Variants in HS3ST4 observed in about 807,000 individuals in gnomAD.
The protein encoded by HS3ST4 is heparan sulfate-glucosamine 3-sulfotransferase 4, also known as heparan sulfate glucosamine 3-O-sulfotransferase 4.
A neutral mutation model predicts 29.2 loss-of-function variants in HS3ST4; 17 were observed. The ratio of observed to expected loss-of-function variants is 0.58; its 90% CI spans 0.40 to 0.87. HS3ST4 has a LOEUF of 0.87. Ranked by LOEUF, HS3ST4 falls within the 40% of genes least tolerant of loss-of-function variation. The pLI is 0.00. For missense variants in HS3ST4, 627 were observed against 634.5 expected (o/e 0.99, Z 0.13); for synonymous variants, 314 against 285.7 (o/e 1.10, Z -1.00).
chr16:26,131,186 A>G (rs1326069378), intron 1 of HS3ST4, among the ~76,000 whole-genome samples: 1 of 151,728 alleles, frequency 6.6e-6, no homozygotes. Flanking sequence ...GCCCCCCACC[A>G]TTTCTCTCTT....
At chr16:25,803,368 T>C (rs1376381960) in intron 1 of HS3ST4, among the ~76,000 whole-genome samples, 1 of 152,216 alleles carries the variant, frequency 6.6e-6, no homozygotes, top group East Asian at 1.9e-4. Context: ...CCCTGTCTCA[T>C]CATTCATAAA....
At chr16:26,092,269 TC>T (rs1898866729) in intron 1 of HS3ST4, among the ~76,000 whole-genome samples, 1 of 152,110 alleles carries the variant, frequency 6.6e-6, no homozygotes, top group South Asian at 2.1e-4. Context: ...AAAATAGCCT[TC>T]TCCACAGGAC....
chr16:25,743,518 T>G (rs1966667714), intron 1 of HS3ST4, among the ~76,000 whole-genome samples: 1 of 152,164 alleles, frequency 6.6e-6, no homozygotes, highest in Non-Finnish European at 1.5e-5. Flanking sequence ...TATTTTATTC[T>G]TTTTTGAGGT....
At chr16:25,890,221 A>G (rs1967993936) in intron 1 of HS3ST4, among the ~76,000 whole-genome samples, 1 of 152,184 alleles carries the variant, frequency 6.6e-6, no homozygotes. Flanking sequence ...CACACAAATA[A>G]TATGGTAAGT....
At chr16:26,018,593 AGATTTTTCCAG>A (rs1187594012) in intron 1 of HS3ST4, among the ~76,000 whole-genome samples, 3 of 152,154 alleles carry the variant, frequency 2.0e-5, no homozygotes, top group Non-Finnish European at 4.4e-5. Context: ...AGAGGCTATG[AGATTTTTCCAG>A]GTCAACAGAG....
At chr16:25,977,093 T>G (rs1387728866) in intron 1 of HS3ST4, among the ~76,000 whole-genome samples, 1 of 152,228 alleles carries the variant, frequency 6.6e-6, no homozygotes, top group African/African-American at 2.4e-5. Context: ...GTAAGTTGAC[T>G]GTTATGTGGC....
At position 25,759,896 on chromosome 16, in the gene HS3ST4, A is replaced by C. The variant is rs186727835; in HGVS notation, c.734+66745A>C. Reference sequence around the variant, plus strand: ...CAAAGCAAGACCCTGTCTTAAAAATAATAAAGAGAAAAAAAAAGGAAATAG... The same window carrying C: ...CAAAGCAAGACCCTGTCTTAAAAATCATAAAGAGAAAAAAAAAGGAAATAG... On this transcript the variant is annotated intron_variant, in intron 1 of 1. Coordinates refer to ENST00000331351, the MANE Select transcript of HS3ST4 (RefSeq NM_006040.3). Among the ~76,000 whole-genome samples the C allele has an allele frequency of 4.5e-4, 69 of 152,292 alleles. 1 individual carries two copies. The East Asian group carries it at 0.012, about 26-fold the overall frequency.
At chr16:26,070,028 T>C (rs1341462718) in intron 1 of HS3ST4, among the ~76,000 whole-genome samples, 1 of 152,198 alleles carries the variant, frequency 6.6e-6, no homozygotes, top group Non-Finnish European at 1.5e-5. Context: ...CGTGTGCATA[T>C]GTCTTTACAG....
intron 1 of HS3ST4, among the ~76,000 whole-genome samples, chr16:25,727,463 GA>G (rs1344873465): frequency 6.6e-6 from 1 of 151,884 alleles, no homozygotes; most frequent in Non-Finnish European, 1.5e-5. Flanking sequence ...ATAGATAATG[GA>G]AAAAAAGGTT....
At chr16:25,976,440 G>T (rs1019411468) in intron 1 of HS3ST4, among the ~76,000 whole-genome samples, 1 of 152,070 alleles carries the variant, frequency 6.6e-6, no homozygotes, top group Non-Finnish European at 1.5e-5. Flanking sequence ...CTAGTAGCTG[G>T]GACTACAGAT....
chr16:25,940,864 C>G lies in HS3ST4; in HGVS notation c.735-194748C>G, dbSNP rs146208055. ...GCTTCCTCTCCATCTTCATCTCCCC[C>G]CAGCTCTCTCCCTTGCTTTCTGAAC... is the stretch of plus-strand genomic sequence containing the variant. On this transcript the variant is annotated intron_variant, in intron 1 of 1. Coordinates refer to ENST00000331351, the MANE Select transcript of HS3ST4 (RefSeq NM_006040.3). 2.7e-3 allele frequency among the ~76,000 whole-genome samples: 409 copies of G among 152,300 alleles called. 1 individual carries two copies. The highest frequency in any genetic ancestry group is 9.6e-3 in the African/African-American group (398 of 41,568).
chr16:25,887,854 C>T (rs1025172571), intron 1 of HS3ST4, among the ~76,000 whole-genome samples: 6 of 152,034 alleles, frequency 3.9e-5, no homozygotes, highest in Non-Finnish European at 8.8e-5. Context: ...CCCACCACCA[C>T]GCCCAGCTAG....
At chr16:26,135,031 A>G (rs1898261582) in intron 1 of HS3ST4, among the ~76,000 whole-genome samples, 1 of 152,116 alleles carries the variant, frequency 6.6e-6, no homozygotes, top group African/African-American at 2.4e-5. Flanking sequence ...TTTTTTTTCA[A>G]CAACAATTCA....
chr16:25,924,997 A>G (rs1013829581), intron 1 of HS3ST4, among the ~76,000 whole-genome samples: 4 of 152,100 alleles, frequency 2.6e-5, no homozygotes, highest in African/African-American at 9.7e-5. Flanking sequence ...GGAAGCATAC[A>G]GGGCATGTAA....
chr16:25,800,779 A>G (rs1966925201), intron 1 of HS3ST4, among the ~76,000 whole-genome samples: 1 of 152,034 alleles, frequency 6.6e-6, no homozygotes, highest in South Asian at 2.1e-4. Flanking sequence ...GCCCTCATGA[A>G]TGGTATTAGT....
chr16:25,790,666 A>C (rs1966867245), intron 1 of HS3ST4, among the ~76,000 whole-genome samples: 1 of 152,082 alleles, frequency 6.6e-6, no homozygotes, highest in Admixed American at 6.5e-5. Context: ...TCATATACTT[A>C]CTGAACACTT....
chr16:25,944,151 G>T (rs1370055615), intron 1 of HS3ST4, among the ~76,000 whole-genome samples: 1 of 152,024 alleles, frequency 6.6e-6, no homozygotes, highest in Admixed American at 6.6e-5. Flanking sequence ...TTACTCCCTA[G>T]TTCAGCCAGG....
chr16:25,792,335 TA>T (rs1273905952), intron 1 of HS3ST4, among the ~76,000 whole-genome samples: 2 of 151,986 alleles, frequency 1.3e-5, no homozygotes, highest in Non-Finnish European at 2.9e-5. Flanking sequence ...ATATTCCTGT[TA>T]TTTTTTTCCC....
At chr16:25,811,041 G>A (rs1483126985) in intron 1 of HS3ST4, among the ~76,000 whole-genome samples, 1 of 152,154 alleles carries the variant, frequency 6.6e-6, no homozygotes, top group Admixed American at 6.5e-5. Context: ...GATTAATTAA[G>A]AAACGGTTGG....
Sources: gnomAD v4.1 joint callset for allele counts (sites outside exome capture counted in the v4.1 genomes callset) on GRCh38, gnomAD v4.1.1 for gene constraint, MANE v1.5 for transcripts, NCBI Gene and HGNC (gene_info 2026-07-23, HGNC 2026-07-21) for gene names.